The following NFKB1 variants were observed in gnomAD, a reference collection of about 807,000 sequenced individuals.
The protein encoded by NFKB1 is nuclear factor kappa B subunit 1, also known as nuclear factor NF-kappa-B p105 subunit.
In NFKB1, 9 loss-of-function variants were observed where a neutral mutation model predicts 105.1. The ratio of observed to expected loss-of-function variants is 0.09; its 90% CI spans 0.05 to 0.15. The LOEUF is 0.15. Among genes scored for constraint, NFKB1 ranks in the 10% least tolerant of loss-of-function variants. The pLI is 1.00. For missense variants in NFKB1, 830 were observed against 1,203.7 expected, an observed-to-expected ratio of 0.69 and a Z score of 4.59; for synonymous variants, 440 against 442.2, an observed-to-expected ratio of 1.00 and a Z score of 0.06.
chr4:102,599,929 TGTGA>T (rs1336907241), intron 15 of NFKB1, among the ~76,000 whole-genome samples: 1 of 152,228 alleles, frequency 6.6e-6, no homozygotes, highest in Non-Finnish European at 1.5e-5. Context: ...ATTACGCTCC[TGTGA>T]GTGACTTTGA....
chr4:102,587,599 G>A (rs190707085), intron 11 of NFKB1, among the ~76,000 whole-genome samples: 5 of 152,172 alleles, frequency 3.3e-5, no homozygotes, highest in Admixed American at 1.3e-4. Context: ...AGAGAATGGG[G>A]TCACCTGAAA....
At chr4:102,596,017 ATT>A (rs993228095) in intron 13 of NFKB1, 119 bp from the exon 14 acceptor site, 8 of 552,610 alleles carry the variant, frequency 1.4e-5, no homozygotes, top group African/African-American at 3.8e-5. Flanking sequence ...TTAAATTATT[ATT>A]TTTCTTTTCC....
intron 19 of NFKB1, among the ~76,000 whole-genome samples, chr4:102,609,611 CAAAAAAAAAAAA>C (rs34646774): frequency 3.1e-5 from 2 of 64,248 alleles, no homozygotes; most frequent in African/African-American, 1.2e-4. Flanking sequence ...GACTCCATCT[CAAAAAAAAAAAA>C]AAAAAAAAAA....
intron 19 of NFKB1, among the ~76,000 whole-genome samples, chr4:102,610,325 A>G (rs886318338): frequency 1.3e-5 from 2 of 152,240 alleles, no homozygotes; most frequent in African/African-American, 4.8e-5. Context: ...AGAGTATTTG[A>G]AGTCTTTTTT....
intron 16 of NFKB1, 124 bp from the exon 17 acceptor site, chr4:102,606,372 A>T: frequency 3.3e-6 from 3 of 910,656 alleles, no homozygotes; most frequent in Non-Finnish European, 5.3e-6. Flanking sequence ...GTCAGAAGTT[A>T]ATCTGGGAAT....
At chr4:102,533,785 T>C in intron 3 of NFKB1, 60 bp from the exon 4 acceptor site, 3 of 1,421,940 alleles carry the variant, frequency 2.1e-6, no homozygotes, top group Non-Finnish European at 2.9e-6. Context: ...TTACGTTTTA[T>C]ACCAAATTTG....
chr4:102,511,824 G>A (rs1279093486), intron 1 of NFKB1, among the ~76,000 whole-genome samples: 1 of 152,182 alleles, frequency 6.6e-6, no homozygotes, highest in Non-Finnish European at 1.5e-5. Flanking sequence ...CTAGTGGGTG[G>A]TCAAGAAATA....
chr4:102,566,175 T>TA (rs1723851420), intron 5 of NFKB1, among the ~76,000 whole-genome samples: 1 of 152,200 alleles, frequency 6.6e-6, no homozygotes. Context: ...TGTTTTTTGC[T>TA]AAAAATGTCA....
intron 15 of NFKB1, among the ~76,000 whole-genome samples, chr4:102,598,924 A>G (rs1726885280): frequency 6.6e-6 from 1 of 152,186 alleles, no homozygotes; most frequent in Non-Finnish European, 1.5e-5. Flanking sequence ...CAGATTTGGG[A>G]CTTGGAGAGA....
At position 102,551,367 on chromosome 4, in the gene NFKB1, T is replaced by TGTGTGTGTGTGTGTGTGTGCGC. The variant is rs370790173; in HGVS notation, c.258+13412_258+13413insTGTGTGTGTGTGTGTGTGCGCG. Among the ~76,000 whole-genome samples the TGTGTGTGTGTGTGTGTGTGCGC allele has an allele frequency of 3.9e-3, 584 of 150,170 alleles. 5 individuals are homozygous for TGTGTGTGTGTGTGTGTGTGCGC. Among genetic ancestry groups the TGTGTGTGTGTGTGTGTGTGCGC allele is most frequent in the African/African-American group, 0.014 (559 of 40,926 alleles). ...AAATTGGTGTGTGTGTGTGTGTGTG[T>TGTGTGTGTGTGTGTGTGTGCGC]GCGCGCGCGCATGTGTGTGTGTGTG... On this transcript the variant is annotated intron_variant, in intron 5 of 23. Transcript: ENST00000226574.
At position 102,609,420 on chromosome 4, in the gene NFKB1, TG is replaced by T. The variant is rs564678797; in HGVS notation, c.2228-1153del. On this transcript the variant is annotated intron_variant, in intron 19 of 23. Transcript: ENST00000226574. ...TGAGACTGGCAGTTCGAGACTCACC[TG>T]GCCAACATGACGAAACCCCATCTCT... Among the ~76,000 whole-genome samples the T allele has an allele frequency of 2.5e-3, 384 of 152,008 alleles. 2 individuals carry two copies. Among genetic ancestry groups the T allele is most frequent in the African/African-American group, 8.6e-3 (356 of 41,460 alleles).
intron 5 of NFKB1, among the ~76,000 whole-genome samples, chr4:102,562,493 G>A (rs1377024298): frequency 2.0e-5 from 3 of 152,072 alleles, no homozygotes; most frequent in Admixed American, 6.5e-5. Context: ...TTAAATACTC[G>A]CTGAATAAAT....
intron 11 of NFKB1, among the ~76,000 whole-genome samples, 182 bp downstream of exon 11, chr4:102,585,002 A>G (rs886600923): frequency 6.6e-6 from 1 of 151,938 alleles, no homozygotes; most frequent in African/African-American, 2.4e-5. Flanking sequence ...CTGCCCCAGC[A>G]TCTCAAATAG....
chr4:102,565,071 A>G (rs1723747049), intron 5 of NFKB1, among the ~76,000 whole-genome samples: 1 of 152,100 alleles, frequency 6.6e-6, no homozygotes, highest in African/African-American at 2.4e-5. Context: ...CCCATCCCAC[A>G]TTTAAGGGCA....
At chr4:102,544,485 T>G (rs531746487) in intron 5 of NFKB1, among the ~76,000 whole-genome samples, 1 of 152,228 alleles carries the variant, frequency 6.6e-6, no homozygotes, top group Non-Finnish European at 1.5e-5. Flanking sequence ...AAGCTCACCA[T>G]TAGTGATTGA....
At chr4:102,556,712 T>C (rs1190935072) in intron 5 of NFKB1, among the ~76,000 whole-genome samples, 3 of 152,200 alleles carry the variant, frequency 2.0e-5, no homozygotes, top group Non-Finnish European at 4.4e-5. Context: ...GATTTTCTTA[T>C]GTACTTTGTA....
At chr4:102,562,646 C>G (rs1166268238) in intron 5 of NFKB1, among the ~76,000 whole-genome samples, 1 of 152,138 alleles carries the variant, frequency 6.6e-6, no homozygotes, top group Non-Finnish European at 1.5e-5. Context: ...GTGTATTATT[C>G]CTTTTAACTT....
rs141391897 is a variant in NFKB1 at position 102,598,493 on chromosome 4, T to G, written c.1637+832T>G. Among the ~76,000 whole-genome samples, 204 of 152,234 alleles carry G rather than the reference T, an allele frequency of 1.3e-3. 1 individual carries two copies. The highest frequency in any genetic ancestry group is 1.9e-3 in the Non-Finnish European group (132 of 68,002). Reference sequence around the variant, plus strand: ...AGTTTAAAAATTAAACCAAGCACTTTAGGAAAGTAACAACCTCAGGGTTTC... The same window carrying G: ...AGTTTAAAAATTAAACCAAGCACTTGAGGAAAGTAACAACCTCAGGGTTTC... On this transcript the variant is annotated intron_variant, in intron 15 of 23. Transcript: ENST00000226574.
intron 2 of NFKB1, among the ~76,000 whole-genome samples, chr4:102,527,688 A>G (rs1741008839): frequency 6.6e-6 from 1 of 152,152 alleles, no homozygotes; most frequent in African/African-American, 2.4e-5. Flanking sequence ...CTTTTATTGC[A>G]GCAAAGACAT....
Sources: gnomAD v4.1 joint callset for allele counts (sites outside exome capture counted in the v4.1 genomes callset) on GRCh38, gnomAD v4.1.1 for gene constraint, MANE v1.5 for transcripts, NCBI Gene and HGNC (gene_info 2026-07-23, HGNC 2026-07-21) for gene names.